Variants in TIAM2 observed in about 807,000 individuals in gnomAD.
TIAM2 encodes the protein rho guanine nucleotide exchange factor TIAM2.
A neutral mutation model predicts 152.9 loss-of-function variants in TIAM2; 80 were observed. The ratio of observed to expected loss-of-function variants is 0.52; its 90% CI spans 0.44 to 0.63. The LOEUF is 0.63. Among genes scored for constraint, TIAM2 ranks in the 30% least tolerant of loss-of-function variants. TIAM2 has a pLI of 0.00. For synonymous variants in TIAM2, 804 were observed against 838.0 expected, an observed-to-expected ratio of 0.96 and a Z score of 0.70; for missense variants, 1,965 against 2,120.1, an observed-to-expected ratio of 0.93 and a Z score of 1.44.
At chr6:155,157,546 A>G (rs1780155686) in intron 7 of TIAM2, among the ~76,000 whole-genome samples, 1 of 151,638 alleles carries the variant, frequency 6.6e-6, no homozygotes, top group Non-Finnish European at 1.5e-5. Flanking sequence ...GGTGCAAGCG[A>G]TCCTCCTGTC....
At chr6:155,245,756 T>TTTTTC (rs1491129597) in intron 19 of TIAM2, 25 bp downstream of exon 19, 25 of 1,138,786 alleles carry the variant, frequency 2.2e-5, no homozygotes, top group Non-Finnish European at 2.8e-5. Context: ...CCTTTTATAG[T>TTTTTC]TTTTTTTTTT....
chr6:155,244,490 T>C (rs1053576834), intron 17 of TIAM2, among the ~76,000 whole-genome samples, 168 bp from the exon 18 acceptor site: 8 of 152,250 alleles, frequency 5.3e-5, no homozygotes, highest in African/African-American at 1.7e-4. Flanking sequence ...AAACTTTCTA[T>C]GTATAAGCCA....
intron 1 of TIAM2, among the ~76,000 whole-genome samples, chr6:155,018,230 T>C (rs1778631709): frequency 1.9e-5 from 1 of 51,972 alleles, no homozygotes; most frequent in East Asian, 7.7e-4. Flanking sequence ...AGAGTGAGAC[T>C]GTCTCGAAAA....
intron 1 of TIAM2, among the ~76,000 whole-genome samples, chr6:155,045,987 G>A (rs1777166669): frequency 6.6e-6 from 1 of 151,788 alleles, no homozygotes. Context: ...GGAGAGCATT[G>A]CAGGGCAGGG....
At chr6:155,111,715 C>T (rs1372105235) in intron 2 of TIAM2, among the ~76,000 whole-genome samples, 1 of 152,202 alleles carries the variant, frequency 6.6e-6, no homozygotes, top group African/African-American at 2.4e-5. Flanking sequence ...TGGCCCCTCT[C>T]TCTGCACCAC....
intron 23 of TIAM2, among the ~76,000 whole-genome samples, chr6:155,252,361 C>G (rs560272348): frequency 6.6e-6 from 1 of 151,998 alleles, no homozygotes; most frequent in Non-Finnish European, 1.5e-5. Flanking sequence ...CCCAGCTACT[C>G]GGGAGGCTGA....
chr6:155,161,569 T>A (rs1249077504), intron 7 of TIAM2, among the ~76,000 whole-genome samples: 1 of 140,670 alleles, frequency 7.1e-6, no homozygotes, highest in African/African-American at 2.6e-5. Flanking sequence ...TTATTTTGTC[T>A]TTTTTTTTTT....
intron 1 of TIAM2, among the ~76,000 whole-genome samples, chr6:155,002,704 G>A (rs1275723499): frequency 1.0e-5 from 1 of 98,452 alleles, no homozygotes; most frequent in Non-Finnish European, 2.3e-5. Flanking sequence ...TTTTTGACAC[G>A]GAGTTTCGTT....
At chr6:155,035,199 T>A (rs1019989642) in intron 1 of TIAM2, among the ~76,000 whole-genome samples, 4 of 151,166 alleles carry the variant, frequency 2.6e-5, no homozygotes, top group African/African-American at 7.3e-5. Context: ...CTGTTTTTTT[T>A]ATTCTTCGCC....
At chr6:155,157,916 T>C (rs990799750) in intron 7 of TIAM2, among the ~76,000 whole-genome samples, 1 of 152,214 alleles carries the variant, frequency 6.6e-6, no homozygotes, top group Non-Finnish European at 1.5e-5. Context: ...ACTGAGTGAA[T>C]TTTTGGGTAT....
At chr6:155,248,223 G>A (rs539942710) in intron 20 of TIAM2, 44 bp downstream of exon 20, 32 of 1,576,436 alleles carry the variant, frequency 2.0e-5, no homozygotes, top group East Asian at 2.3e-5. Flanking sequence ...TGCACAGGGC[G>A]GCGAGGGGCT....
intron 15 of TIAM2, among the ~76,000 whole-genome samples, chr6:155,216,301 C>T (rs1045829142): frequency 2.0e-5 from 3 of 152,138 alleles, no homozygotes; most frequent in Non-Finnish European, 4.4e-5. Context: ...TCTCAGGGGT[C>T]ATTAACTTCT....
At chr6:155,173,199 G>GTGTGTGTGTC (rs141491120) in intron 9 of TIAM2, among the ~76,000 whole-genome samples, 34 of 149,770 alleles carry the variant, frequency 2.3e-4, no homozygotes, top group African/African-American at 7.7e-4. Context: ...GTGTGTGTGT[G>GTGTGTGTGTC]TGTCTGTCTG....
chr6:155,035,249 G>A (rs1776901499), intron 1 of TIAM2, among the ~76,000 whole-genome samples: 1 of 147,592 alleles, frequency 6.8e-6, no homozygotes, highest in Non-Finnish European at 1.5e-5. Context: ...TTGAAACGGA[G>A]TCTTGCTTTG....
At chr6:155,216,839 G>A (rs1005032076) in intron 15 of TIAM2, 7 of 1,095,894 alleles carry the variant, frequency 6.4e-6, no homozygotes, top group Admixed American at 4.6e-5. Context: ...GCAGGCTCCC[G>A]GCATGGGTGG....
intron 1 of TIAM2, among the ~76,000 whole-genome samples, chr6:155,066,218 T>C (rs996357687): frequency 6.6e-6 from 1 of 151,934 alleles, no homozygotes; most frequent in African/African-American, 2.4e-5. Context: ...TGAGCCACCG[T>C]GCCTGGCCCA....
intron 1 of TIAM2, among the ~76,000 whole-genome samples, chr6:155,086,710 A>AAC (rs1778178318): frequency 6.6e-6 from 1 of 151,072 alleles, no homozygotes; most frequent in East Asian, 1.9e-4. Flanking sequence ...CCATCTTGGA[A>AAC]AAAAAAAAAA....
intron 25 of TIAM2, 165 bp downstream of exon 25, chr6:155,254,225 A>T (rs1347469321): frequency 6.1e-6 from 6 of 989,536 alleles, no homozygotes; most frequent in Non-Finnish European, 8.9e-6. Flanking sequence ...TATGTTGATT[A>T]AATAAATATC....
chr6:155,082,418 AGGTGGGTGGATT>A (rs1778083579), intron 1 of TIAM2, among the ~76,000 whole-genome samples: 1 of 152,096 alleles, frequency 6.6e-6, no homozygotes, highest in Non-Finnish European at 1.5e-5. Flanking sequence ...TGGGAGGCTG[AGGTGGGTGGATT>A]ACCTGAGGTC....
Sources: allele counts gnomAD v4.1 joint callset (sites outside exome capture counted in the v4.1 genomes callset), GRCh38; gene constraint gnomAD v4.1.1; transcripts MANE v1.5; gene names NCBI Gene and HGNC (gene_info 2026-07-23, HGNC 2026-07-21).